Variants in CNTN5 observed in about 807,000 individuals in gnomAD.
CNTN5 encodes contactin-5.
CNTN5 carries 77 observed loss-of-function variants against 129.1 expected under a neutral mutation model. The ratio of observed to expected loss-of-function variants is 0.60; its 90% CI spans 0.50 to 0.72. CNTN5 has a LOEUF of 0.72. Among genes scored for constraint, CNTN5 ranks in the 30% least tolerant of loss-of-function variants. CNTN5 has a pLI of 0.00. For synonymous variants in CNTN5, 509 were observed against 465.6 expected (o/e 1.09, Z -1.20); for missense variants, 1,478 against 1,328.8 (o/e 1.11, Z -1.75).
chr11:99,345,860 A>G (rs183213584), intron 2 of CNTN5, among the ~76,000 whole-genome samples: 1 of 152,230 alleles, frequency 6.6e-6, no homozygotes, highest in African/African-American at 2.4e-5. Context: ...AATTGATTGT[A>G]TTTTTCCCAA....
chr11:99,139,717 C>T (rs1392703290), intron 1 of CNTN5, among the ~76,000 whole-genome samples: 1 of 151,980 alleles, frequency 6.6e-6, no homozygotes, highest in Non-Finnish European at 1.5e-5. Flanking sequence ...CAAAATAAAA[C>T]AATAAAAATT....
At chr11:99,639,125 G>T (rs1342815034) in intron 3 of CNTN5, among the ~76,000 whole-genome samples, 1 of 152,212 alleles carries the variant, frequency 6.6e-6, no homozygotes, top group Non-Finnish European at 1.5e-5. Context: ...TGTACCTTCA[G>T]GCTCAAGACC....
In CNTN5 at chr11:100,295,797, C is replaced by T. The variant is rs1489361139; in HGVS notation, c.2315-1828C>T. On this transcript the variant is annotated intron_variant, in intron 18 of 24. Coordinates refer to ENST00000524871, the MANE Select transcript of CNTN5 (RefSeq NM_014361.4). Reference sequence around the variant, plus strand: ...GTCCTCAAAGAAGAGGATTCAAAGCCCTAAATTTAGAGTACAGATTTAGTC... The same window carrying T: ...GTCCTCAAAGAAGAGGATTCAAAGCTCTAAATTTAGAGTACAGATTTAGTC... Among the ~76,000 whole-genome samples the T allele has an allele frequency of 2.6e-5, 4 of 150,996 alleles. No individual in the cohort carries two copies. In the South Asian group the frequency reaches 6.2e-4, roughly 24 times the overall value.
chr11:99,697,388 C>CT (rs1297573339), intron 3 of CNTN5, among the ~76,000 whole-genome samples: 1 of 151,580 alleles, frequency 6.6e-6, no homozygotes, highest in Non-Finnish European at 1.5e-5. Flanking sequence ...ATAAATCATG[C>CT]TGATACTATG....
chr11:99,363,065 G>A (rs919294086), intron 2 of CNTN5, among the ~76,000 whole-genome samples: 4 of 151,914 alleles, frequency 2.6e-5, no homozygotes, highest in Non-Finnish European at 5.9e-5. Flanking sequence ...AAAATCCGTA[G>A]GATTTTGATA....
intron 2 of CNTN5, among the ~76,000 whole-genome samples, chr11:99,335,999 TC>T (rs1212982189): frequency 6.6e-6 from 1 of 152,148 alleles, no homozygotes; most frequent in Non-Finnish European, 1.5e-5. Context: ...CCTACAAGAT[TC>T]TGTTTGAGCC....
chr11:99,476,000 C>T (rs1014539122), intron 2 of CNTN5, among the ~76,000 whole-genome samples: 2 of 152,022 alleles, frequency 1.3e-5, no homozygotes, highest in African/African-American at 4.8e-5. Flanking sequence ...TTCCTGTGAG[C>T]ATCTGGCCTA....
intron 3 of CNTN5, among the ~76,000 whole-genome samples, chr11:99,683,998 A>G (rs1382304129): frequency 6.6e-6 from 1 of 151,822 alleles, no homozygotes; most frequent in Non-Finnish European, 1.5e-5. Context: ...TCAAATATAC[A>G]GTATATTAAC....
chr11:99,573,728 C>T (rs1949255508), intron 3 of CNTN5, among the ~76,000 whole-genome samples: 1 of 151,948 alleles, frequency 6.6e-6, no homozygotes, highest in African/African-American at 2.4e-5. Context: ...CTCCTGGGTT[C>T]AAGAGATTCT....
intron 13 of CNTN5, among the ~76,000 whole-genome samples, chr11:100,118,785 T>A: frequency 6.6e-6 from 1 of 151,888 alleles, no homozygotes; most frequent in Non-Finnish European, 1.5e-5. Flanking sequence ...AGAATACCCA[T>A]CTTTTTAAAT....
chr11:99,733,321 CAA>C (rs35576351), intron 3 of CNTN5, among the ~76,000 whole-genome samples: 14,385 of 96,032 alleles, frequency 0.15, 1,024 homozygotes, highest in East Asian at 0.4. Flanking sequence ...GATTCTGTCT[CAA>C]AAAAAAAAAA....
At chr11:99,995,433 A>G (rs537869369) in intron 8 of CNTN5, among the ~76,000 whole-genome samples, 31 of 152,328 alleles carry the variant, frequency 2.0e-4, no homozygotes, top group African/African-American at 6.3e-4. Context: ...TTCAAAACTT[A>G]TTTCAAAACC....
chr11:100,285,271 A>G (rs944945120), intron 18 of CNTN5, among the ~76,000 whole-genome samples: 2 of 152,188 alleles, frequency 1.3e-5, no homozygotes, highest in Non-Finnish European at 2.9e-5. Flanking sequence ...TACAGTAAGA[A>G]CCCTACGGTC....
chr11:100,082,331 G>A (rs1009939003), intron 13 of CNTN5, among the ~76,000 whole-genome samples: 2 of 152,250 alleles, frequency 1.3e-5, no homozygotes, highest in African/African-American at 4.8e-5. Flanking sequence ...ACCCAAGCTG[G>A]AGTGCAGTGG....
chr11:99,913,551 A>T (rs1949714811), intron 6 of CNTN5, among the ~76,000 whole-genome samples: 1 of 152,046 alleles, frequency 6.6e-6, no homozygotes. Context: ...TCTATGAGGA[A>T]ATGTTGAATT....
intron 1 of CNTN5, among the ~76,000 whole-genome samples, chr11:99,198,617 G>A (rs542129522): frequency 9.1e-4 from 139 of 152,106 alleles, no homozygotes; most frequent in African/African-American, 3.3e-3. Context: ...TAATCACAAA[G>A]CTTATAATGA....
chr11:99,480,355 G>A (rs77341549), intron 2 of CNTN5, among the ~76,000 whole-genome samples: 3,873 of 152,112 alleles, frequency 0.025, 175 homozygotes, highest in African/African-American at 0.087. Context: ...CTCTGGTGTC[G>A]GACAGCTGTT....
chr11:99,954,505 T>C (rs973367614), intron 7 of CNTN5, among the ~76,000 whole-genome samples: 2 of 152,156 alleles, frequency 1.3e-5, no homozygotes, highest in African/African-American at 4.8e-5. Flanking sequence ...GCAGTTTGTA[T>C]GGAAGAAAGT....
At chr11:99,753,345 ATCTCCTGACC>A (rs1308108592) in intron 3 of CNTN5, among the ~76,000 whole-genome samples, 1 of 150,988 alleles carries the variant, frequency 6.6e-6, no homozygotes, top group East Asian at 2.0e-4. Context: ...GATGGTCTCG[ATCTCCTGACC>A]TCGTGATTCA....
Sources: gnomAD v4.1 joint callset for allele counts (sites outside exome capture counted in the v4.1 genomes callset) on GRCh38, gnomAD v4.1.1 for gene constraint, MANE v1.5 for transcripts, NCBI Gene and HGNC (gene_info 2026-07-23, HGNC 2026-07-21) for gene names.